ANK1: variants seen among roughly 807,000 people sequenced by gnomAD.
ANK1 encodes the protein ankyrin-1.
A neutral mutation model predicts 210.4 loss-of-function variants in ANK1; 51 were observed. That is an observed-to-expected ratio of 0.24 (90% CI 0.19 to 0.31). The LOEUF (loss-of-function observed/expected upper bound fraction) is 0.31, where lower values mean the gene tolerates loss of function less well. Ranked by LOEUF, ANK1 falls within the 10% of genes least tolerant of loss-of-function variation. The pLI is 1.00. For missense variants in ANK1, 2,051 were observed against 2,504.4 expected (o/e 0.82, Z 3.86); for synonymous variants, 967 against 1,025.9 (o/e 0.94, Z 1.10).
intron 1 of ANK1, among the ~76,000 whole-genome samples, chr8:41,766,521 G>A (rs1484658264): frequency 1.3e-5 from 2 of 152,216 alleles, no homozygotes; most frequent in Non-Finnish European, 2.9e-5. Flanking sequence ...ACGCCTGAGC[G>A]GAAGTGCTGG....
intron 34 of ANK1, 51 bp downstream of exon 34, chr8:41,688,460 C>T (rs1818304466): frequency 6.3e-7 from 1 of 1,588,258 alleles, no homozygotes; most frequent in Non-Finnish European, 8.6e-7. Context: ...GAGCTCACGC[C>T]CACCCTTCTT....
At position 41,797,435 on chromosome 8, in the gene ANK1, G is replaced by T. The variant is rs932810782; in HGVS notation, c.27+77C>A. On this transcript the variant is annotated intron_variant, in intron 1 of 42. Coordinates refer to ENST00000289734, the MANE Select transcript of ANK1 (RefSeq NM_000037.4). This position sits in a 1 kb window ranked among gnomAD's most constrained non-coding sequence, Gnocchi z 4.0. ...GGTGTGCAAAGCTGCTCTTGCTCGC[G>T]TGCTGCCTACTGGCGCGGCCTGGGT... 1.8e-5 allele frequency: 24 copies of T among 1,366,000 alleles called. No homozygotes were observed. In the African/African-American group the frequency reaches 2.7e-4, roughly 16 times the overall value. The allele number at this position is 1,366,000 out of a possible 1,614,324, so 84.6% of individuals were successfully genotyped here.
intron 1 of ANK1, among the ~76,000 whole-genome samples, chr8:41,816,290 A>G (rs1344364900): frequency 6.6e-6 from 1 of 152,228 alleles, no homozygotes; most frequent in Non-Finnish European, 1.5e-5. Context: ...ACACACAGTA[A>G]TGGACACTGC....
At chr8:41,656,629 GA>G (rs1215103372) in intron 42 of ANK1, among the ~76,000 whole-genome samples, 18 of 152,234 alleles carry the variant, frequency 1.2e-4, no homozygotes, top group African/African-American at 4.1e-4. Context: ...GGGGCCCTGG[GA>G]CCACTGGGGA....
intron 10 of ANK1, among the ~76,000 whole-genome samples, chr8:41,719,396 G>A (rs1487901140): frequency 5.3e-5 from 8 of 152,170 alleles, no homozygotes; most frequent in African/African-American, 1.7e-4. Flanking sequence ...TCCTGAGTCC[G>A]GTCTCCTGGG....
intron 2 of ANK1, among the ~76,000 whole-genome samples, chr8:41,746,027 C>T (rs1463669381): frequency 3.3e-5 from 5 of 152,172 alleles, no homozygotes; most frequent in East Asian, 3.9e-4. Flanking sequence ...CTGTGAGGCA[C>T]GACCTTTACT....
intron 2 of ANK1, among the ~76,000 whole-genome samples, chr8:41,741,730 G>A (rs532636466): frequency 2.0e-5 from 3 of 152,270 alleles, no homozygotes; most frequent in African/African-American, 7.2e-5. Flanking sequence ...CCTCAGGCAG[G>A]CATGAGATGG....
intron 36 of ANK1, among the ~76,000 whole-genome samples, chr8:41,685,077 T>C (rs1817353524): frequency 6.6e-6 from 1 of 152,152 alleles, no homozygotes; most frequent in African/African-American, 2.4e-5. Flanking sequence ...TACAGGTGCA[T>C]GCCACCACGC....
At chr8:41,730,404 A>G (rs1464873732) in intron 3 of ANK1, among the ~76,000 whole-genome samples, 3 of 150,964 alleles carry the variant, frequency 2.0e-5, no homozygotes, top group Non-Finnish European at 4.4e-5. Context: ...CAGGAGTTCA[A>G]GACCAGCCTG....
At position 41,699,489 on chromosome 8, in the gene ANK1, T is replaced by C; in HGVS notation, c.2521A>G (p.Lys841Glu). ...RRDSRDVDEE[K>E]ELLDFVPKLD... Reference sequence around the variant, plus strand: ...TTCGGCACAAAATCCAGCAGCTCCTTCTCTTCATCAACATCCCTGGAATCC... The same window carrying C: ...TTCGGCACAAAATCCAGCAGCTCCTCCTCTTCATCAACATCCCTGGAATCC... The change falls in exon 23 of 43, where the codon AAG becomes GAG. Residue 841 changes from lysine (K) to glutamate (E), a missense_variant. Physicochemically the swap from Lys to Glu is moderately conservative, Grantham distance 56 (BLOSUM62 1). Transcript: ENST00000289734. 6.2e-7 allele frequency: 1 copy of C among 1,614,100 alleles called. No homozygotes were observed. The highest frequency in any genetic ancestry group is 8.5e-7 in the Non-Finnish European group (1 of 1,180,024).
intron 1 of ANK1, among the ~76,000 whole-genome samples, chr8:41,895,584 G>A (rs1294270410): frequency 6.6e-6 from 1 of 152,112 alleles, no homozygotes; most frequent in Non-Finnish European, 1.5e-5. Context: ...AGAAATACCC[G>A]GGATGTCTGC....
At chr8:41,669,507 T>G (rs1198878181) in intron 38 of ANK1, among the ~76,000 whole-genome samples, 1 of 152,066 alleles carries the variant, frequency 6.6e-6, no homozygotes, top group South Asian at 2.1e-4. Context: ...CAGGTCTACT[T>G]TGGATCTCTA....
At position 41,672,584 on chromosome 8, in the gene ANK1, C is replaced by T. The variant is rs1812760317; in HGVS notation, c.4866G>A (p.Glu1622=). 6.2e-7 allele frequency: 1 copy of T among 1,614,234 alleles called. No individual in the cohort carries two copies. Among genetic ancestry groups the T allele is most frequent in the Non-Finnish European group, 8.5e-7 (1 of 1,180,046 alleles). Residue 1622 remains glutamate, a synonymous_variant, in exon 38 of 43, where the codon GAG becomes GAA. Transcript: ENST00000289734. Reference sequence around the variant, plus strand: ...TGGCATCTGAATCCACTGTGTCGTCCTCCACAAGTTCCAGAGAGCCCAACT... The same window carrying T: ...TGGCATCTGAATCCACTGTGTCGTCTTCCACAAGTTCCAGAGAGCCCAACT... ...GPELGSLELV[E]DDTVDSDATN... is the part of the protein sequence containing the mutation.
At chr8:41,729,198 A>T (rs1831481241) in intron 3 of ANK1, among the ~76,000 whole-genome samples, 1 of 152,234 alleles carries the variant, frequency 6.6e-6, no homozygotes, top group South Asian at 2.1e-4. Context: ...GAAAAATACA[A>T]AGAATATGCA....
intron 1 of ANK1, among the ~76,000 whole-genome samples, chr8:41,848,230 A>AT (rs1810462941): frequency 2.6e-5 from 4 of 151,766 alleles, no homozygotes; most frequent in African/African-American, 4.8e-5. Context: ...AAATAAATAA[A>AT]ACTGTGCAAT....
chr8:41,699,095 G>A (rs1821930538), intron 23 of ANK1, among the ~76,000 whole-genome samples: 2 of 152,116 alleles, frequency 1.3e-5, no homozygotes, highest in African/African-American at 2.4e-5. Flanking sequence ...CACCGCACCC[G>A]GCCATCTTCT....
rs1186900594 is a variant in ANK1 at position 41,666,087 on chromosome 8, C to T, written c.5394+2180G>A. 3.3e-5 allele frequency among the ~76,000 whole-genome samples: 5 copies of T among 152,356 alleles called. No homozygotes were observed. In the South Asian group the frequency reaches 8.3e-4, roughly 25 times the overall value. ...GCAGACTAACCCTGCAACTCACCTACTGTGGGGTCTTGGGAAGGCTGGGGA... is the reference window on the plus strand; with the variant it reads ...GCAGACTAACCCTGCAACTCACCTATTGTGGGGTCTTGGGAAGGCTGGGGA... On this transcript the variant is annotated intron_variant, in intron 39 of 42. Transcript: ENST00000289734.
At chr8:41,688,114 G>A (rs1818199437) in intron 35 of ANK1, 42 bp downstream of exon 35, 1 of 1,587,000 alleles carries the variant, frequency 6.3e-7, no homozygotes, top group South Asian at 1.1e-5. Context: ...GAGGGTAGGT[G>A]AGATGGACAA....
At chr8:41,698,197 G>T in intron 23 of ANK1, 76 bp from the exon 24 acceptor site, 1 of 1,491,990 alleles carries the variant, frequency 6.7e-7, no homozygotes, top group Non-Finnish European at 9.3e-7. Context: ...TTGCCTCCAA[G>T]CCTCTCCCTC....
Sources: gnomAD v4.1 joint callset for allele counts (sites outside exome capture counted in the v4.1 genomes callset) on GRCh38, gnomAD v4.1.1 for gene constraint, Gnocchi (gnomAD v3.1) non-coding constraint, MANE v1.5 for transcripts, NCBI Gene and HGNC (gene_info 2026-07-23, HGNC 2026-07-21) for gene names.